Variants in NRXN1 observed in about 807,000 individuals in gnomAD.
NRXN1 encodes the protein neurexin 1.
A neutral mutation model predicts 150.9 loss-of-function variants in NRXN1; 39 were observed. That is an observed-to-expected ratio of 0.26 (90% confidence interval 0.20 to 0.34). The LOEUF (loss-of-function observed/expected upper bound fraction) is 0.34. Ranked by LOEUF, NRXN1 falls within the 10% of genes least tolerant of loss-of-function variation. NRXN1 has a pLI of 1.00. For synonymous variants in NRXN1, 924 were observed against 757.0 expected, an observed-to-expected ratio of 1.22 and a Z score of -3.62; for missense variants, 1,815 against 1,949.9, an observed-to-expected ratio of 0.93 and a Z score of 1.30.
intron 3 of NRXN1, among the ~76,000 whole-genome samples, 172 bp from the exon 4 acceptor site, chr2:50,922,859 G>A (rs1288688765): frequency 6.6e-6 from 1 of 151,852 alleles, no homozygotes; most frequent in Non-Finnish European, 1.5e-5. Context: ...AATGCTTTGG[G>A]GCAAAGTGTT....
In NRXN1 at chr2:49,973,615, GCACA is replaced by G. The variant is rs34492177; in HGVS notation, c.4129-29828_4129-29825del. 4.1e-3 allele frequency among the ~76,000 whole-genome samples: 600 copies of G among 148,022 alleles called. 5 individuals are homozygous for G. Among genetic ancestry groups the G allele is most frequent in the African/African-American group, 0.014 (560 of 40,460 alleles). ...AGTTAATACATATATACATACATAT[GCACA>G]CACACACACACACACACACAGACAC... On this transcript the variant is annotated intron_variant, in intron 21 of 22. Transcript: ENST00000401669.
At chr2:50,099,083 A>T (rs560083504) in intron 18 of NRXN1, among the ~76,000 whole-genome samples, 3 of 152,002 alleles carry the variant, frequency 2.0e-5, no homozygotes, top group Non-Finnish European at 4.4e-5. Flanking sequence ...AGCTCCTTCA[A>T]TGAGACTATA....
Position 50,347,750 on chromosome 2 carries a change from A to G in NRXN1, c.3365-110780T>C, listed in dbSNP as rs1344314372. Reference sequence around the variant, plus strand: ...AAACAGAAAAAGAAAAAGAAAAAGAAAAAAAGAAAAGAAAAACCACACACG... The same window carrying G: ...AAACAGAAAAAGAAAAAGAAAAAGAGAAAAAGAAAAGAAAAACCACACACG... On this transcript the variant is annotated intron_variant, in intron 17 of 22. Coordinates refer to ENST00000401669, the MANE Select transcript of NRXN1 (RefSeq NM_001330078.2). This position sits in a 1 kb window ranked among gnomAD's most constrained non-coding sequence, Gnocchi z 4.9. 4.1e-6 allele frequency: 4 copies of G among 986,424 alleles called. No homozygotes were observed. The highest frequency in any genetic ancestry group is 3.6e-6 in the Non-Finnish European group (3 of 830,672). The allele number at this position is 986,424 out of a possible 1,614,324, so 61.1% of individuals were successfully genotyped here.
chr2:50,753,587 G>A (rs1420462377), intron 5 of NRXN1, among the ~76,000 whole-genome samples: 1 of 151,780 alleles, frequency 6.6e-6, no homozygotes. Context: ...ATTATTATTA[G>A]CAGCAATATT....
chr2:50,673,056 A>G (rs188809798), intron 5 of NRXN1, among the ~76,000 whole-genome samples: 1 of 152,208 alleles, frequency 6.6e-6, no homozygotes, highest in Admixed American at 6.5e-5. Flanking sequence ...AAAGCAGACA[A>G]TAACAGTGGG....
intron 18 of NRXN1, among the ~76,000 whole-genome samples, chr2:50,161,637 C>T (rs915765728): frequency 5.3e-5 from 8 of 152,180 alleles, no homozygotes; most frequent in African/African-American, 1.9e-4. Flanking sequence ...AAAGTGTTAC[C>T]GCATCTGGAA....
At chr2:50,474,312 G>A (rs2089784307) in intron 15 of NRXN1, among the ~76,000 whole-genome samples, 1 of 151,792 alleles carries the variant, frequency 6.6e-6, no homozygotes, top group Admixed American at 6.6e-5. Context: ...TTCGAGGAAT[G>A]AAATAGAATA....
intron 22 of NRXN1, among the ~76,000 whole-genome samples, chr2:49,938,253 T>C (rs1012477387): frequency 2.6e-5 from 4 of 152,138 alleles, no homozygotes; most frequent in Admixed American, 2.6e-4. Flanking sequence ...TCTCTCTGAA[T>C]CTCTTTAGCT....
intron 5 of NRXN1, among the ~76,000 whole-genome samples, chr2:50,843,952 C>T (rs1208115280): frequency 6.6e-6 from 1 of 152,052 alleles, no homozygotes; most frequent in Non-Finnish European, 1.5e-5. Flanking sequence ...ACCAAACTTC[C>T]AACTGTCAAT....
At chr2:50,671,342 G>C (rs1205852754) in intron 5 of NRXN1, among the ~76,000 whole-genome samples, 1 of 151,448 alleles carries the variant, frequency 6.6e-6, no homozygotes, top group Non-Finnish European at 1.5e-5. Flanking sequence ...TATTTTCACA[G>C]AAAATACATT....
intron 17 of NRXN1, among the ~76,000 whole-genome samples, chr2:50,266,961 C>G (rs1329364424): frequency 6.6e-6 from 1 of 152,156 alleles, no homozygotes; most frequent in Admixed American, 6.5e-5. Flanking sequence ...TCTCTGTGTA[C>G]AGATAGCATA....
At chr2:50,963,449 G>A (rs188408203) in intron 2 of NRXN1, among the ~76,000 whole-genome samples, 108 of 151,614 alleles carry the variant, frequency 7.1e-4, no homozygotes, top group Admixed American at 5.1e-3. Flanking sequence ...TTTCTTTAAT[G>A]TATCTTTGTA....
intron 5 of NRXN1, among the ~76,000 whole-genome samples, chr2:50,846,865 G>T (rs1293754574): frequency 6.6e-6 from 1 of 152,126 alleles, no homozygotes; most frequent in Non-Finnish European, 1.5e-5. Flanking sequence ...GTTTTTTGTG[G>T]CATGAAAAGT....
intron 5 of NRXN1, among the ~76,000 whole-genome samples, chr2:50,711,839 C>G (rs965039553): frequency 5.3e-5 from 8 of 152,058 alleles, no homozygotes; most frequent in Non-Finnish European, 8.8e-5. Flanking sequence ...CTCTTTTTTG[C>G]TCTTCTGCCA....
intron 16 of NRXN1, among the ~76,000 whole-genome samples, chr2:50,470,329 GA>G (rs539510480): frequency 6.6e-6 from 1 of 151,500 alleles, no homozygotes; most frequent in African/African-American, 2.4e-5. Context: ...AACTGAAAGG[GA>G]AAAAAACATA....
intron 18 of NRXN1, among the ~76,000 whole-genome samples, chr2:50,100,264 A>T (rs1252729332): frequency 6.6e-6 from 1 of 152,010 alleles, no homozygotes; most frequent in African/African-American, 2.4e-5. Flanking sequence ...AGCGCTTGCC[A>T]TTATTGGGAA....
intron 9 of NRXN1, among the ~76,000 whole-genome samples, chr2:50,544,154 T>C (rs2093444365): frequency 6.6e-6 from 1 of 152,136 alleles, no homozygotes; most frequent in Non-Finnish European, 1.5e-5. Flanking sequence ...ATGAATCAGA[T>C]TTCACAAAGT....
At chr2:50,635,348 G>C (rs1193535084) in intron 5 of NRXN1, among the ~76,000 whole-genome samples, 1 of 145,920 alleles carries the variant, frequency 6.9e-6, no homozygotes, top group Non-Finnish European at 1.5e-5. Flanking sequence ...TGTATTTTTA[G>C]TAGAGACGGG....
At chr2:50,970,722 G>C (rs1454483595) in intron 2 of NRXN1, among the ~76,000 whole-genome samples, 4 of 151,854 alleles carry the variant, frequency 2.6e-5, no homozygotes, top group African/African-American at 9.7e-5. Flanking sequence ...GTTAAACAGA[G>C]GGTCGTTATG....
Sources: gnomAD v4.1 joint callset for allele counts (sites outside exome capture counted in the v4.1 genomes callset) on GRCh38, gnomAD v4.1.1 for gene constraint, Gnocchi (gnomAD v3.1) non-coding constraint, MANE v1.5 for transcripts, NCBI Gene and HGNC (gene_info 2026-07-23, HGNC 2026-07-21) for gene names.